Variants in NOX4 observed in about 807,000 individuals in gnomAD.
The protein encoded by NOX4 is kidney oxidase-1.
NOX4 carries 69 observed loss-of-function variants against 87.6 expected under a neutral mutation model. The ratio of observed to expected loss-of-function variants is 0.79; its 90% CI spans 0.65 to 0.96. The LOEUF is 0.96. Ranked by LOEUF, NOX4 falls within the 40% of genes least tolerant of loss-of-function variation. The probability of loss-of-function intolerance (pLI) is 0.00; values close to 1 mark genes in which losing one functional copy is unlikely to be tolerated. For synonymous variants in NOX4, 275 were observed against 238.2 expected, an observed-to-expected ratio of 1.15 and a Z score of -1.42; for missense variants, 680 against 681.5, an observed-to-expected ratio of 1.00 and a Z score of 0.02.
At chr11:89,462,244 T>C (rs1358056893) in intron 2 of NOX4, among the ~76,000 whole-genome samples, 1 of 152,128 alleles carries the variant, frequency 6.6e-6, no homozygotes, top group Admixed American at 6.5e-5. Context: ...AGATAATTAA[T>C]ACACCATGTT....
intron 2 of NOX4, among the ~76,000 whole-genome samples, chr11:89,472,197 G>A (rs1433987413): frequency 1.3e-5 from 2 of 152,104 alleles, no homozygotes; most frequent in Non-Finnish European, 2.9e-5. Context: ...CCAATTCAGT[G>A]TTCTTGGGGT....
chr11:89,461,875 C>A (rs950448109), intron 2 of NOX4, among the ~76,000 whole-genome samples: 1 of 151,804 alleles, frequency 6.6e-6, no homozygotes, highest in Admixed American at 6.6e-5. Context: ...CAAGAGAGAA[C>A]ATAATACCAC....
chr11:89,539,309 G>T, the NOX4 span, among the ~76,000 whole-genome samples: 1 of 152,022 alleles, frequency 6.6e-6, no homozygotes, highest in Admixed American at 6.6e-5. Context: ...GCATGCACCT[G>T]TAGTCCCAGC....
intron 7 of NOX4, among the ~76,000 whole-genome samples, chr11:89,425,156 G>A (rs1217507144): frequency 6.6e-6 from 1 of 151,546 alleles, no homozygotes; most frequent in Non-Finnish European, 1.5e-5. Context: ...TCCTAAAATT[G>A]AAAAAGTGAG....
intron 13 of NOX4, among the ~76,000 whole-genome samples, chr11:89,342,829 CAG>C (rs376592787): frequency 5.0e-4 from 75 of 149,066 alleles, no homozygotes; most frequent in Admixed American, 6.7e-4. Flanking sequence ...GTGTGTGAGA[CAG>C]AGAGAGAGAG....
At chr11:89,421,759 T>A in intron 8 of NOX4, 143 bp downstream of exon 8, 1 of 527,578 alleles carries the variant, frequency 1.9e-6, no homozygotes, top group South Asian at 2.9e-5. Context: ...CTTCCATTCT[T>A]GACGTTATCC....
rs1031119193 is a variant in NOX4, at chr11:89,439,720, G to A, written c.475+968C>T. On this transcript the variant is annotated intron_variant, in intron 6 of 17. Transcript: ENST00000263317. ...TTCATCTTTATAAATCTAAGGTTGG[G>A]AAAAAGAAGACTTTTAGCAAAAATT... 1.6e-4 allele frequency among the ~76,000 whole-genome samples: 24 copies of A among 152,130 alleles called. 1 individual carries two copies. The East Asian group carries it at 4.6e-3, about 29-fold the overall frequency.
At chr11:89,448,045 A>G (rs895926535) in intron 4 of NOX4, among the ~76,000 whole-genome samples, 1 of 152,226 alleles carries the variant, frequency 6.6e-6, no homozygotes, top group East Asian at 1.9e-4. Context: ...CAAAACAGCT[A>G]TGTCATCAAA....
chr11:89,394,463 T>C (rs1591102964), intron 11 of NOX4, among the ~76,000 whole-genome samples: 1 of 152,206 alleles, frequency 6.6e-6, no homozygotes, highest in African/African-American at 2.4e-5. Context: ...ATTTTCAAAA[T>C]AAAGTTGCCA....
intron 8 of NOX4, among the ~76,000 whole-genome samples, chr11:89,411,080 C>T (rs137956680): frequency 0.022 from 3,365 of 152,210 alleles, 131 homozygotes; most frequent in African/African-American, 0.077. Context: ...GGCCCTGATT[C>T]CAGGCACTAA....
chr11:89,561,431 A>G, the NOX4 span, among the ~76,000 whole-genome samples: 2 of 152,086 alleles, frequency 1.3e-5, no homozygotes, highest in Non-Finnish European at 2.9e-5. Flanking sequence ...AACAATCTAT[A>G]CAACTGTCTG....
the NOX4 span, among the ~76,000 whole-genome samples, chr11:89,569,952 A>G: frequency 6.6e-6 from 1 of 151,880 alleles, no homozygotes; most frequent in African/African-American, 2.4e-5. Context: ...CAGCGAGCCA[A>G]GATCATGCCA....
chr11:89,391,593 A>G (rs1457430915), intron 11 of NOX4, among the ~76,000 whole-genome samples: 1 of 151,868 alleles, frequency 6.6e-6, no homozygotes, highest in Non-Finnish European at 1.5e-5. Context: ...CTATCTCTAC[A>G]CAATTTTTTA....
the NOX4 span, among the ~76,000 whole-genome samples, chr11:89,526,375 T>C: frequency 6.6e-6 from 1 of 152,224 alleles, no homozygotes; most frequent in Non-Finnish European, 1.5e-5. Context: ...GCATTGCTAC[T>C]TCCTAATACT....
rs1555002608 is a variant in NOX4, at chr11:89,369,764, G to GTTTA, written c.1135+3664_1135+3667dup. 8.2e-4 allele frequency among the ~76,000 whole-genome samples: 124 copies of GTTTA among 150,744 alleles called. 1 individual carries two copies. Among genetic ancestry groups the GTTTA allele is most frequent in the African/African-American group, 2.8e-3 (114 of 41,008 alleles). On this transcript the variant is annotated intron_variant, in intron 12 of 17. Coordinates refer to ENST00000263317, the MANE Select transcript of NOX4 (RefSeq NM_016931.5). ...TATTTATTTGTTTGTTTGTTTGTTT[G>GTTTA]TTTATTTATTTATTGGCTTCTTGCA...
chr11:89,399,403 A>G (rs1315217732), intron 11 of NOX4, among the ~76,000 whole-genome samples: 2 of 144,450 alleles, frequency 1.4e-5, no homozygotes, highest in East Asian at 2.0e-4. Flanking sequence ...TACTCCATAA[A>G]AGGAGAAAAG....
intron 11 of NOX4, among the ~76,000 whole-genome samples, chr11:89,388,382 C>T (rs922803841): frequency 6.6e-6 from 1 of 152,042 alleles, no homozygotes; most frequent in African/African-American, 2.4e-5. Context: ...TGTCTAAGTG[C>T]CTCACCATGG....
At chr11:89,402,000 A>T (rs488342) in intron 9 of NOX4, among the ~76,000 whole-genome samples, 86,110 of 151,770 alleles carry the variant, frequency 0.57, 26,055 homozygotes, top group African/African-American at 0.77. Context: ...AGGTTTTTTT[A>T]ACTACTATTT....
chr11:89,399,144 T>C (rs1941672304), intron 11 of NOX4, among the ~76,000 whole-genome samples: 1 of 151,680 alleles, frequency 6.6e-6, no homozygotes, highest in Non-Finnish European at 1.5e-5. Context: ...TATTAAATGA[T>C]ATGCTGACTA....
Sources: allele counts gnomAD v4.1 joint callset (sites outside exome capture counted in the v4.1 genomes callset), GRCh38; gene constraint gnomAD v4.1.1; transcripts MANE v1.5; gene names NCBI Gene and HGNC (gene_info 2026-07-23, HGNC 2026-07-21).